Variants in DNAH14 observed in about 807,000 individuals in gnomAD.
DNAH14 encodes the protein axonemal beta dynein heavy chain 14.
Under a neutral mutation model 520.9 loss-of-function variants are expected in DNAH14, and 478 were observed. The ratio of observed to expected loss-of-function variants is 0.92; its 90% confidence interval spans 0.85 to 0.99. The LOEUF is 0.99. Among genes scored for constraint, DNAH14 ranks in the 50% least tolerant of loss-of-function variants. DNAH14 has a pLI of 0.00. For missense variants in DNAH14, 4,831 were observed against 5,234.5 expected (o/e 0.92, Z 2.38); for synonymous variants, 1,581 against 1,757.2 (o/e 0.90, Z 2.51).
At chr1:224,962,011 G>T (rs994470086) in intron 4 of DNAH14, among the ~76,000 whole-genome samples, 1 of 151,982 alleles carries the variant, frequency 6.6e-6, no homozygotes, top group African/African-American at 2.4e-5. Context: ...GTGGCATTTT[G>T]TTTAGATTTT....
chr1:225,051,601 G>C lies in DNAH14; in HGVS notation c.2230G>C (p.Glu744Gln), dbSNP rs2068540922. Residue 744 changes from glutamate to glutamine, a missense_variant, in exon 17 of 86, where the codon GAA (glutamate) becomes CAA (glutamine). By Grantham distance (29) the Glu-to-Gln change is conservative. Coordinates refer to ENST00000682510, the MANE Select transcript of DNAH14 (RefSeq NM_001367479.1). Reference protein sequence around the residue: ...SMGELTSKEFEAILNRFRNYF... With the variant: ...SMGELTSKEFQAILNRFRNYF... ...GGGAGAATTAACTTCAAAAGAATTTGAAGCTATTCTAAATAGATTCAGAAA... is the reference window on the plus strand; with the variant it reads ...GGGAGAATTAACTTCAAAAGAATTTCAAGCTATTCTAAATAGATTCAGAAA... 5 of 1,550,888 alleles carry C rather than the reference G, an allele frequency of 3.2e-6. No homozygotes were observed. The highest frequency in any genetic ancestry group is 4.4e-6 in the Non-Finnish European group (5 of 1,146,600).
At chr1:225,051,221 A>G (rs2068505531) in intron 16 of DNAH14, among the ~76,000 whole-genome samples, 1 of 152,224 alleles carries the variant, frequency 6.6e-6, no homozygotes, top group Non-Finnish European at 1.5e-5. Flanking sequence ...CATGTTAATT[A>G]TAAAGTTAAA....
At chr1:225,322,637 T>C in intron 61 of DNAH14, 27 bp from the exon 62 acceptor site, 1 of 1,432,748 alleles carries the variant, frequency 7.0e-7, no homozygotes, top group Non-Finnish European at 9.3e-7. Context: ...ATTGTGAAGT[T>C]GATGAGATTT....
At chr1:225,159,825 A>C (rs1404450406) in intron 35 of DNAH14, among the ~76,000 whole-genome samples, 1 of 152,218 alleles carries the variant, frequency 6.6e-6, no homozygotes, top group Non-Finnish European at 1.5e-5. Flanking sequence ...GATCAGCATT[A>C]TGAAAAAACT....
At chr1:225,231,027 T>A in intron 41 of DNAH14, 46 bp from the exon 42 acceptor site, 1 of 1,390,394 alleles carries the variant, frequency 7.2e-7, no homozygotes, top group African/African-American at 1.4e-5. Flanking sequence ...CCAGATAAAT[T>A]TTAGGTCTGT....
At chr1:225,353,178 A>G (rs2095390303) in intron 72 of DNAH14, among the ~76,000 whole-genome samples, 1 of 152,052 alleles carries the variant, frequency 6.6e-6, no homozygotes, top group South Asian at 2.1e-4. Flanking sequence ...ATACCATAGA[A>G]ATAAGAGGTA....
intron 21 of DNAH14, among the ~76,000 whole-genome samples, chr1:225,093,336 A>G (rs1170098546): frequency 6.6e-6 from 1 of 152,218 alleles, no homozygotes; most frequent in African/African-American, 2.4e-5. Flanking sequence ...ACATACACAA[A>G]TGAATAAATG....
chr1:225,172,225 C>G (rs1426144318), intron 36 of DNAH14, among the ~76,000 whole-genome samples: 1 of 152,130 alleles, frequency 6.6e-6, no homozygotes, highest in Non-Finnish European at 1.5e-5. Flanking sequence ...CCCTCTCTCA[C>G]CACTCCTATT....
At chr1:225,096,366 A>G (rs2074968868) in intron 21 of DNAH14, among the ~76,000 whole-genome samples, 1 of 152,200 alleles carries the variant, frequency 6.6e-6, no homozygotes, top group Non-Finnish European at 1.5e-5. Context: ...TAAAGTTAAG[A>G]AGTAAAAAAT....
In DNAH14 at chr1:224,979,073, G is replaced by T. The variant is rs558756680; in HGVS notation, c.830+4920G>T. 4.3e-4 allele frequency among the ~76,000 whole-genome samples: 65 copies of T among 152,090 alleles called. 2 individuals carry two copies. Among genetic ancestry groups the T allele is most frequent in the Non-Finnish European group, 1.0e-4 (7 of 68,014 alleles). On this transcript the variant is annotated intron_variant, in intron 8 of 85. Transcript: ENST00000682510. ...AAAATATCACAATTATTTGGATTAG[G>T]GGTGGGGCAAGATGGCAGAATAGAA...
chr1:224,941,851 T>C (rs1379406962), intron 1 of DNAH14, among the ~76,000 whole-genome samples: 6 of 152,244 alleles, frequency 3.9e-5, no homozygotes, highest in African/African-American at 1.2e-4. Context: ...GGGCTCTGTT[T>C]TGTTCCATTG....
chr1:225,388,765 T>C (rs2095870327), intron 82 of DNAH14, among the ~76,000 whole-genome samples: 1 of 152,166 alleles, frequency 6.6e-6, no homozygotes, highest in Admixed American at 6.6e-5. Context: ...TGAAAGGAAA[T>C]AATTAGTTAC....
At position 225,119,227 on chromosome 1, in the gene DNAH14, C is replaced by A. The variant is rs749639957; in HGVS notation, c.4099C>A (p.Arg1367Ser). 11 of 1,512,640 alleles carry A rather than the reference C, an allele frequency of 7.3e-6. No homozygotes were observed. The highest frequency in any genetic ancestry group is 9.7e-6 in the Non-Finnish European group (11 of 1,129,602). The allele number at this position is 1,512,640 out of a possible 1,614,324, so 93.7% of individuals were successfully genotyped here. Residue 1367 changes from arginine to serine, a missense_variant, in exon 26 of 86, where the codon CGT becomes AGT. Transcript: ENST00000682510. Reference sequence around the variant, plus strand: ...TTTTGAAACTAATTTTAGGAAAATTCGTGTAAGAAGTGCTGTAGAACAGTG... The same window carrying A: ...TTTTGAAACTAATTTTAGGAAAATTAGTGTAAGAAGTGCTGTAGAACAGTG... ...GEGLVLPKKI[R>S]VRSAVEQWLV...
chr1:225,220,921 T>C (rs2089990450), intron 41 of DNAH14, among the ~76,000 whole-genome samples: 1 of 152,108 alleles, frequency 6.6e-6, no homozygotes, highest in Non-Finnish European at 1.5e-5. Flanking sequence ...AGGCTTACAG[T>C]AACAAAAACA....
intron 41 of DNAH14, among the ~76,000 whole-genome samples, chr1:225,219,908 A>G (rs551743041): frequency 6.6e-5 from 10 of 152,350 alleles, no homozygotes; most frequent in African/African-American, 9.6e-5. Flanking sequence ...AAAATCCTCA[A>G]TAAAATACTG....
At chr1:225,350,834 C>T (rs1436468236) in intron 71 of DNAH14, among the ~76,000 whole-genome samples, 1 of 152,022 alleles carries the variant, frequency 6.6e-6, no homozygotes, top group Non-Finnish European at 1.5e-5. Context: ...CATAAATTTT[C>T]CTGAAGCTCT....
At chr1:225,337,703 T>C (rs2095086846) in intron 67 of DNAH14, among the ~76,000 whole-genome samples, 1 of 152,198 alleles carries the variant, frequency 6.6e-6, no homozygotes, top group Non-Finnish European at 1.5e-5. Flanking sequence ...AGATATTTAA[T>C]AAAACTTAAA....
intron 3 of DNAH14, among the ~76,000 whole-genome samples, chr1:224,956,642 T>G (rs111701258): frequency 6.6e-6 from 1 of 152,198 alleles, no homozygotes; most frequent in Non-Finnish European, 1.5e-5. Flanking sequence ...AATACATGAC[T>G]GTATTTCTTC....
At chr1:225,105,499 C>A (rs2075962610) in intron 23 of DNAH14, among the ~76,000 whole-genome samples, 2 of 152,130 alleles carry the variant, frequency 1.3e-5, no homozygotes, top group African/African-American at 2.4e-5. Context: ...TAAAGTCTCC[C>A]ATTATTATTG....
Sources: gnomAD v4.1 joint callset for allele counts (sites outside exome capture counted in the v4.1 genomes callset) on GRCh38, gnomAD v4.1.1 for gene constraint, MANE v1.5 for transcripts, NCBI Gene and HGNC (gene_info 2026-07-23, HGNC 2026-07-21) for gene names.